The following BBS4 variants were observed in gnomAD, a reference collection of about 807,000 sequenced individuals.
BBS4 encodes the protein BBSome complex member BBS4.
Under a neutral mutation model 71.4 loss-of-function variants are expected in BBS4, and 58 were observed. The ratio of observed to expected loss-of-function variants is 0.81; its 90% CI spans 0.66 to 1.01. BBS4 has a LOEUF of 1.01. BBS4 is among the 50% of genes least tolerant of loss of function. The probability of loss-of-function intolerance (pLI) is 0.00; values close to 1 mark genes in which losing one functional copy is unlikely to be tolerated. For missense variants in BBS4, 660 were observed against 607.9 expected (o/e 1.09, Z -0.90); for synonymous variants, 228 against 216.8 (o/e 1.05, Z -0.46).
intron 2 of BBS4, among the ~76,000 whole-genome samples, chr15:72,699,812 A>G (rs1004877469): frequency 2.6e-5 from 4 of 152,224 alleles, no homozygotes; most frequent in Non-Finnish European, 5.9e-5. Context: ...TGTTATATGT[A>G]TCAGTAGTTC....
At chr15:72,714,817 T>TA (rs1470981428) in intron 4 of BBS4, among the ~76,000 whole-genome samples, 1 of 152,228 alleles carries the variant, frequency 6.6e-6, no homozygotes, top group Non-Finnish European at 1.5e-5. Context: ...AATTGGTTGT[T>TA]ACACTGACAA....
chr15:72,729,556 G>A (rs1306258289), intron 9 of BBS4, 60 bp from the exon 10 acceptor site: 1 of 1,542,504 alleles, frequency 6.5e-7, no homozygotes, highest in Non-Finnish European at 9.0e-7. Flanking sequence ...GGTCTGGCCA[G>A]ACTCTTTTAA....
intron 3 of BBS4, among the ~76,000 whole-genome samples, chr15:72,711,366 C>T (rs1251103967): frequency 1.3e-5 from 2 of 151,680 alleles, no homozygotes; most frequent in African/African-American, 4.8e-5. Flanking sequence ...TCAGGCTGGT[C>T]TCAAACTCCC....
In BBS4 at chr15:72,735,137, T is replaced by C. The variant is rs2277598; in HGVS notation, c.1061T>C (p.Ile354Thr). 0.6 allele frequency: 975,165 copies of C among 1,612,062 alleles called. 303,685 individuals carry two copies. Among genetic ancestry groups the C allele is most frequent in the Non-Finnish European group, 0.64 (753,486 of 1,178,438 alleles). Residue 354 changes from isoleucine to threonine, a missense_variant, in exon 13 of 16, where the codon ATA becomes ACA. Physicochemically the swap from Ile to Thr is moderately conservative, Grantham distance 89. Transcript: ENST00000268057. ...LAVALTNLED[I>T]ENAKRAYAEA... ...GTGGCTCTGACCAATCTGGAAGATA[T>C]AGAAAATGCCAAGAGAGCCTACGCA... is the stretch of plus-strand genomic sequence containing the variant.
chr15:72,698,228 T>A (rs1425947747), intron 2 of BBS4, among the ~76,000 whole-genome samples: 5 of 152,300 alleles, frequency 3.3e-5, no homozygotes, highest in Admixed American at 6.5e-5. Flanking sequence ...AATAGAATAA[T>A]TTATTATTGT....
intron 12 of BBS4, among the ~76,000 whole-genome samples, chr15:72,733,418 T>C (rs190857498): frequency 2.0e-5 from 3 of 152,210 alleles, no homozygotes; most frequent in East Asian, 3.9e-4. Context: ...TAGTACCCAA[T>C]AGTTATTTTT....
At chr15:72,724,430 T>C in intron 7 of BBS4, 98 bp from the exon 8 acceptor site, 1 of 1,557,762 alleles carries the variant, frequency 6.4e-7, no homozygotes. Context: ...GATGTTCCTA[T>C]GTCAATACAG....
chr15:72,729,718 T>TA (rs1271321444), intron 10 of BBS4, 34 bp downstream of exon 10: 1 of 1,574,816 alleles, frequency 6.3e-7, no homozygotes, highest in African/African-American at 1.3e-5. Context: ...GGCCTTCATA[T>TA]AGACGGTCCC....
At chr15:72,696,008 G>A (rs988438112) in intron 2 of BBS4, among the ~76,000 whole-genome samples, 2 of 152,186 alleles carry the variant, frequency 1.3e-5, no homozygotes, top group Non-Finnish European at 2.9e-5. Context: ...GGTTGATAGT[G>A]TTCTGTATAT....
chr15:72,697,116 A>G (rs1030650323), intron 2 of BBS4, among the ~76,000 whole-genome samples: 4 of 152,032 alleles, frequency 2.6e-5, no homozygotes, highest in Middle Eastern at 3.4e-3. Context: ...TATTTTTAGT[A>G]CAGATGGGGT....
chr15:72,689,780 TTTTA>T (rs57141334), intron 1 of BBS4, among the ~76,000 whole-genome samples: 3,510 of 147,614 alleles, frequency 0.024, 58 homozygotes, highest in African/African-American at 0.05. Flanking sequence ...TTATAAATCT[TTTTA>T]TTTATTTATT....
chr15:72,710,860 G>A (rs1024579858), intron 3 of BBS4, among the ~76,000 whole-genome samples: 50 of 151,076 alleles, frequency 3.3e-4, no homozygotes, highest in African/African-American at 1.0e-3. Context: ...GCGCAATCTC[G>A]GCTCACTGCA....
intron 1 of BBS4, among the ~76,000 whole-genome samples, chr15:72,688,565 C>T (rs2064922168): frequency 6.6e-6 from 1 of 151,976 alleles, no homozygotes; most frequent in Non-Finnish European, 1.5e-5. Flanking sequence ...AGGCCCTCAC[C>T]ACCATGCCTG....
At chr15:72,712,172 A>C in intron 3 of BBS4, 72 bp from the exon 4 acceptor site, 2 of 1,421,288 alleles carry the variant, frequency 1.4e-6, no homozygotes, top group South Asian at 2.4e-5. Flanking sequence ...TGGCCTGTCC[A>C]TGTCCACTTT....
At chr15:72,727,815 AT>A in intron 8 of BBS4, 124 bp from the exon 9 acceptor site, 1 of 763,362 alleles carries the variant, frequency 1.3e-6, no homozygotes, top group South Asian at 1.4e-5. Context: ...GCCTTCAGGT[AT>A]TTCCACGGGG....
intron 15 of BBS4, 54 bp downstream of exon 15, chr15:72,737,017 T>G: frequency 6.3e-7 from 1 of 1,574,896 alleles, no homozygotes; most frequent in Non-Finnish European, 8.7e-7. Flanking sequence ...CACATGTGTC[T>G]GTCAGCAGAG....
In BBS4 at chr15:72,735,844, C is replaced by G. The variant is rs760324204; in HGVS notation, c.1126C>G (p.Leu376Val). The change falls in exon 14 of 16, where the codon CTG (leucine) becomes GTG (valine). Residue 376 changes from leucine to valine, a missense_variant. Transcript: ENST00000268057. ...HLDKCNPLVN[L>V]NYAVLLYNQG... Reference sequence around the variant, plus strand: ...CCACAGGTGTAACCCTTTAGTAAACCTGAACTATGCTGTGCTGCTGTACAA... The same window carrying G: ...CCACAGGTGTAACCCTTTAGTAAACGTGAACTATGCTGTGCTGCTGTACAA... 5.6e-6 allele frequency: 9 copies of G among 1,614,012 alleles called. No homozygotes were observed. The East Asian group carries it at 1.6e-4, about 28-fold the overall frequency.
At chr15:72,698,576 A>AAG (rs1214436090) in intron 2 of BBS4, among the ~76,000 whole-genome samples, 1 of 152,104 alleles carries the variant, frequency 6.6e-6, no homozygotes, top group African/African-American at 2.4e-5. Context: ...ATTCCTTTTT[A>AAG]AGGCTGAATA....
intron 3 of BBS4, 50 bp from the exon 4 acceptor site, chr15:72,712,194 A>G (rs1197158872): frequency 6.4e-7 from 1 of 1,559,532 alleles, no homozygotes; most frequent in Non-Finnish European, 8.8e-7. Flanking sequence ...TCTTAAAGAC[A>G]CCTGAAGAAA....
Sources: allele counts gnomAD v4.1 joint callset (sites outside exome capture counted in the v4.1 genomes callset), GRCh38; gene constraint gnomAD v4.1.1; transcripts MANE v1.5; gene names NCBI Gene and HGNC (gene_info 2026-07-23, HGNC 2026-07-21).